The following MYH11 variants were observed in gnomAD, a reference collection of about 807,000 sequenced individuals.
MYH11 encodes the protein myosin heavy chain 11.
Under a neutral mutation model 246.6 loss-of-function variants are expected in MYH11, and 80 were observed. The observed-to-expected ratio is 0.32, with a 90% CI of 0.27 to 0.39. MYH11 has a LOEUF of 0.39. Ranked by LOEUF, MYH11 falls within the 10% of genes least tolerant of loss-of-function variation. The pLI, the probability that MYH11 is intolerant of heterozygous loss-of-function variation, is 1.00. For synonymous variants in MYH11, 1,071 were observed against 1,015.5 expected, an observed-to-expected ratio of 1.05 and a Z score of -1.04; for missense variants, 2,158 against 2,546.8, an observed-to-expected ratio of 0.85 and a Z score of 3.29.
intron 40 of MYH11, among the ~76,000 whole-genome samples, chr16:15,710,520 AAAAT>A (rs1275687894): frequency 6.6e-6 from 1 of 151,748 alleles, no homozygotes; most frequent in Non-Finnish European, 1.5e-5. Context: ...ACTCCGTCTA[AAAAT>A]AAATAATAAA....
intron 2 of MYH11, among the ~76,000 whole-genome samples, chr16:15,830,207 G>A (rs2043696907): frequency 6.6e-6 from 1 of 151,874 alleles, no homozygotes; most frequent in Admixed American, 6.6e-5. Context: ...TGTGCATACA[G>A]ACCTACCCCT....
At chr16:15,737,384 G>A (rs942217521) in intron 25 of MYH11, 65 bp downstream of exon 25, 6 of 1,597,178 alleles carry the variant, frequency 3.8e-6, no homozygotes, top group South Asian at 1.1e-5. Context: ...CTGCGAATGA[G>A]CGAATGAGCA....
intron 3 of MYH11, among the ~76,000 whole-genome samples, chr16:15,802,966 T>C (rs568439265): frequency 1.6e-4 from 25 of 151,762 alleles, no homozygotes; most frequent in South Asian, 1.0e-3. Context: ...GTGAAACCCA[T>C]CTCTACTAAA....
At chr16:15,711,808 T>G (rs890151520) in intron 40 of MYH11, among the ~76,000 whole-genome samples, 1 of 152,178 alleles carries the variant, frequency 6.6e-6, no homozygotes, top group African/African-American at 2.4e-5. Context: ...TTCTCCTGCC[T>G]CAGCCTCCCT....
chr16:15,714,798 G>A lies in MYH11; in HGVS notation c.5786+111C>T, dbSNP rs1016570210. 4.6e-6 allele frequency: 6 copies of A among 1,307,668 alleles called. No homozygotes were observed. The South Asian group carries it at 7.1e-5, about 16-fold the overall frequency. 81.0% of individuals were successfully genotyped at this position (1,307,668 alleles called of 1,614,324 possible). A position where few individuals can be genotyped will look rare whatever the true frequency, so the allele number is the denominator to read the frequency against. On this transcript the variant is annotated intron_variant, in intron 40 of 40. Transcript: ENST00000300036. Reference sequence around the variant, plus strand: ...GAGAAGCAGGAATAAACCACAGAAGGGAGTGGCGGCTGTGGGCACAAGGGG... The same window carrying A: ...GAGAAGCAGGAATAAACCACAGAAGAGAGTGGCGGCTGTGGGCACAAGGGG...
intron 40 of MYH11, chr16:15,712,882 G>GTTTT (rs59799809): frequency 0.014 from 1,310 of 90,622 alleles, 207 homozygotes; most frequent in African/African-American, 0.054. Context: ...TTCACATACA[G>GTTTT]TTTTTTTTTT....
chr16:15,753,844 G>A (rs1281065562), intron 14 of MYH11, among the ~76,000 whole-genome samples: 7 of 151,976 alleles, frequency 4.6e-5, no homozygotes, highest in Non-Finnish European at 1.0e-4. Flanking sequence ...ATTTCATGAC[G>A]GCAGATGCCC....
intron 1 of MYH11, among the ~76,000 whole-genome samples, chr16:15,849,593 C>T (rs1055274988): frequency 4.6e-5 from 7 of 152,042 alleles, no homozygotes; most frequent in African/African-American, 1.7e-4. Context: ...AGGCACGCAC[C>T]AGAACACCCA....
chr16:15,826,016 A>G (rs1040722126), intron 2 of MYH11, among the ~76,000 whole-genome samples: 1 of 152,148 alleles, frequency 6.6e-6, no homozygotes, highest in African/African-American at 2.4e-5. Context: ...AAGTGACTTG[A>G]CCGAGGTCAC....
intron 1 of MYH11, among the ~76,000 whole-genome samples, chr16:15,841,917 A>G (rs901392729): frequency 3.3e-5 from 5 of 152,170 alleles, no homozygotes; most frequent in Non-Finnish European, 5.9e-5. Context: ...CCCAAATCCC[A>G]CAGCGACAGA....
intron 9 of MYH11, among the ~76,000 whole-genome samples, chr16:15,766,161 C>G (rs2041975643): frequency 6.6e-6 from 1 of 152,110 alleles, no homozygotes; most frequent in Non-Finnish European, 1.5e-5. Context: ...AACCACTGGT[C>G]TAAATGAACA....
rs2151291404 is a variant in MYH11 at position 15,771,680 on chromosome 16, T to C, written c.922A>G (p.Thr308Ala). ...DLLLEGFNNYTFLSNGFVPIP... is the reference protein window; with the variant it reads ...DLLLEGFNNYAFLSNGFVPIP... ...GGCACAAAGCCATTGGAGAGGAAGG[T>C]GTAGTTGTTGAAGCCCTCCAAAAGC... The change falls in exon 9 of 41, where the codon ACC (threonine) becomes GCC (alanine). Residue 308 changes from threonine to alanine, a missense_variant. Thr to Ala is a moderately conservative substitution (Grantham distance 58, BLOSUM62 0). This residue lies in a region of MYH11 where 75 missense variants were observed against 70.0 expected (regional missense o/e 1.07). Transcript: ENST00000300036. 1.9e-6 allele frequency: 3 copies of C among 1,613,986 alleles called. No homozygotes were observed. Among genetic ancestry groups the C allele is most frequent in the Non-Finnish European group, 2.5e-6 (3 of 1,179,980 alleles).
intron 32 of MYH11, 107 bp from the exon 33 acceptor site, chr16:15,721,158 C>A: frequency 7.8e-7 from 1 of 1,274,716 alleles, no homozygotes; most frequent in Non-Finnish European, 1.1e-6. Context: ...TGGCTTTGGC[C>A]TCCCACAGGA....
chr16:15,718,163 C>CAG, intron 37 of MYH11, 152 bp downstream of exon 37: 1 of 1,205,618 alleles, frequency 8.3e-7, no homozygotes, highest in Admixed American at 1.9e-5. Context: ...GGTGTAAGGG[C>CAG]CCTGGATCTC....
chr16:15,747,935 A>T lies in MYH11; in HGVS notation c.2189T>A (p.Ile730Asn). The T allele has an allele frequency of 6.2e-7, 1 of 1,613,956 alleles. No homozygotes were observed. The highest frequency in any genetic ancestry group is 8.5e-7 in the Non-Finnish European group (1 of 1,179,992). ...VFQEFRQRYE[I>N]LAANAIPKGF... ...TTTGGGGATGGCATTCGCCGCCAGGATCTCGTAGCTTGAAACACAGAGCAG... is the reference window on the plus strand; with the variant it reads ...TTTGGGGATGGCATTCGCCGCCAGGTTCTCGTAGCTTGAAACACAGAGCAG... The change falls in exon 18 of 41, where the codon ATC becomes AAC. Residue 730 changes from isoleucine to asparagine, a missense_variant. By Grantham distance (149) the Ile-to-Asn change is moderately radical (BLOSUM62 -3). Transcript: ENST00000300036.
intron 2 of MYH11, among the ~76,000 whole-genome samples, chr16:15,826,636 C>T (rs2043574437): frequency 6.6e-6 from 1 of 151,336 alleles, no homozygotes; most frequent in Non-Finnish European, 1.5e-5. Flanking sequence ...CCTTCCAGGG[C>T]TCAGTCCACT....
At chr16:15,775,437 AC>A (rs1298445370) in intron 8 of MYH11, among the ~76,000 whole-genome samples, 38 of 642 alleles carry the variant, frequency 0.059, no homozygotes, top group African/African-American at 0.17. Context: ...GCCTGAGCTC[AC>A]TGGTTTATGT....
chr16:15,790,172 G>T (rs778252799), intron 4 of MYH11, among the ~76,000 whole-genome samples: 7 of 152,222 alleles, frequency 4.6e-5, no homozygotes, highest in Non-Finnish European at 1.0e-4. Context: ...GGGCATGGTG[G>T]TGGGTGCCTG....
intron 28 of MYH11, 89 bp from the exon 29 acceptor site, chr16:15,725,081 G>GT (rs2040684381): frequency 1.0e-6 from 1 of 1,000,566 alleles, no homozygotes; most frequent in Admixed American, 2.0e-5. Context: ...ACATGGGCTA[G>GT]TACTTGAGGT....
Sources: gnomAD v4.1 joint callset for allele counts (sites outside exome capture counted in the v4.1 genomes callset) on GRCh38, gnomAD v4.1.1 for gene constraint, gnomAD v4.1.1 regional missense constraint, MANE v1.5 for transcripts, NCBI Gene and HGNC (gene_info 2026-07-23, HGNC 2026-07-21) for gene names.